Variants in MCF2 observed in about 807,000 individuals in gnomAD.
MCF2 encodes the protein proto-oncogene DBL.
Under a neutral mutation model 82.5 loss-of-function variants are expected in MCF2, and 44 were observed. The observed-to-expected ratio is 0.53, with a 90% CI of 0.42 to 0.69. The LOEUF (loss-of-function observed/expected upper bound fraction) is 0.69, where lower values mean the gene tolerates loss of function less well. Ranked by LOEUF, MCF2 falls within the 30% of genes least tolerant of loss-of-function variation. MCF2 has a pLI of 0.00. For missense variants in MCF2, 623 were observed against 663.1 expected (o/e 0.94, Z 0.66); for synonymous variants, 217 against 224.9 (o/e 0.96, Z 0.32).
At chrX:139,690,338 G>GTTT (rs145515088) in intron 1 of MCF2, among the ~76,000 whole-genome samples, 2,919 of 75,630 alleles carry the variant, frequency 0.039, 165 homozygotes, top group East Asian at 0.16. Flanking sequence ...CTCCAAAGGA[G>GTTT]TTTTTTTTTT....
At chrX:139,675,795 A>C (rs994680881) in intron 1 of MCF2, among the ~76,000 whole-genome samples, 44 of 112,413 alleles carry the variant, frequency 3.9e-4, no homozygotes, top group African/African-American at 1.3e-3. Flanking sequence ...CCACTTGAGG[A>C]GGCAGTCCGT....
chrX:139,701,714 G>C (rs891888025), intron 1 of MCF2, among the ~76,000 whole-genome samples: 1 of 112,075 alleles, frequency 8.9e-6, no homozygotes, highest in Non-Finnish European at 1.9e-5. Flanking sequence ...AGATTATACA[G>C]GCATGTATAT....
exon 25 of MCF2, chrX:139,582,434 A>T: frequency 8.3e-7 from 1 of 1,203,883 alleles, no homozygotes; most frequent in Non-Finnish European, 1.1e-6. Flanking sequence ...AGAAGCAGGC[A>T]GGAAAGAGCT....
intron 10 of MCF2, 45 bp from the exon 15 acceptor site, chrX:139,610,383 T>A (rs770320470): frequency 1.1e-6 from 1 of 876,533 alleles, no homozygotes; most frequent in Non-Finnish European, 1.6e-6. Flanking sequence ...AGAATTAAAG[T>A]CAGCACTTTT....
intron 19 of MCF2, among the ~76,000 whole-genome samples, chrX:139,594,377 G>C (rs1191672289): frequency 9.0e-6 from 1 of 111,401 alleles, no homozygotes; most frequent in African/African-American, 3.3e-5. Context: ...CCAAAACAGA[G>C]ATATAGATCA....
chrX:139,654,017 A>G (rs1256357136), intron 1 of MCF2, among the ~76,000 whole-genome samples: 1 of 111,694 alleles, frequency 9.0e-6, no homozygotes, highest in Non-Finnish European at 1.9e-5. Flanking sequence ...GTGTATATAT[A>G]CCATATTTTC....
At chrX:139,631,341 TA>T in intron 3 of MCF2, 53 bp downstream of exon 6, 2 of 692,364 alleles carry the variant, frequency 2.9e-6, no homozygotes, top group Non-Finnish European at 4.3e-6. Flanking sequence ...GAACTAGATT[TA>T]AAGGCTAACA....
Position 139,651,709 on chromosome X carries a change from A to G in MCF2, c.25+11T>C, listed in dbSNP as rs775727304. 2.0e-5 allele frequency: 22 copies of G among 1,114,672 alleles called. No homozygotes were observed. The highest frequency in any genetic ancestry group is 6.1e-6 in the Non-Finnish European group (5 of 826,395). 91.9% of individuals were successfully genotyped at this position (1,114,672 alleles called of 1,213,427 possible). A position where few individuals can be genotyped will look rare whatever the true frequency, so the allele number is the denominator to read the frequency against. ...TATCTATCTGGACTATATATAAGAA[A>G]GTTTGCTTACCAGACAAGAAGGCGA... On this transcript the variant is annotated intron_variant, in intron 2 of 27. Transcript: ENST00000414978.
At chrX:139,587,192 T>A (rs1439911889) in intron 22 of MCF2, among the ~76,000 whole-genome samples, 1 of 111,334 alleles carries the variant, frequency 9.0e-6, no homozygotes, top group Non-Finnish European at 1.9e-5. Context: ...GAACTCCACC[T>A]TTTGGAATTT....
exon 14 of MCF2, chrX:139,604,900 T>C: frequency 8.4e-7 from 1 of 1,195,127 alleles, no homozygotes; most frequent in Non-Finnish European, 1.1e-6. Flanking sequence ...TCTGCCATGT[T>C]TCCAAAGAGA....
chrX:139,606,016 C>CAT (rs71534302), intron 12 of MCF2, among the ~76,000 whole-genome samples: 13,236 of 96,573 alleles, frequency 0.14, 1,969 homozygotes, highest in African/African-American at 0.41. Context: ...ATATATATAA[C>CAT]ATATATATAT....
chrX:139,597,608 A>G, intron 17 of MCF2, 23 bp from the exon 22 acceptor site: 1 of 1,103,000 alleles, frequency 9.1e-7, no homozygotes, highest in Non-Finnish European at 1.2e-6. Context: ...ATCAGGAATT[A>G]ATATTAGGCA....
intron 1 of MCF2, among the ~76,000 whole-genome samples, chrX:139,705,458 T>C (rs757333735): frequency 1.4e-3 from 159 of 112,380 alleles, no homozygotes; most frequent in South Asian, 5.9e-3. Flanking sequence ...AAACAAGCAG[T>C]GGGAAAACAA....
chrX:139,639,901 G>C (rs1376199050), intron 1 of MCF2, among the ~76,000 whole-genome samples: 1 of 111,415 alleles, frequency 9.0e-6, no homozygotes, highest in African/African-American at 3.3e-5. Flanking sequence ...CAATAAGAGA[G>C]ACCCTTGACT....
intron 1 of MCF2, among the ~76,000 whole-genome samples, chrX:139,697,931 G>A (rs1935415250): frequency 8.9e-6 from 1 of 111,901 alleles, no homozygotes; most frequent in Non-Finnish European, 1.9e-5. Flanking sequence ...CTTGAGCCCA[G>A]AAGTTCAAGA....
intron 13 of MCF2, 143 bp downstream of exon 17, chrX:139,605,570 A>G (rs1930928344): frequency 2.2e-6 from 1 of 455,818 alleles, no homozygotes; most frequent in Non-Finnish European, 3.8e-6. Context: ...TGCTGCATCA[A>G]ACAATAAAAG....
chrX:139,704,358 C>CCTT (rs1336671310), intron 1 of MCF2, among the ~76,000 whole-genome samples: 1 of 112,302 alleles, frequency 8.9e-6, no homozygotes, highest in African/African-American at 3.2e-5. Flanking sequence ...AAGATGCTGC[C>CCTT]AAAAGGCTCC....
intron 1 of MCF2, among the ~76,000 whole-genome samples, chrX:139,680,775 T>C (rs1229079203): frequency 8.9e-6 from 1 of 112,464 alleles, no homozygotes; most frequent in African/African-American, 3.2e-5. Flanking sequence ...GATCTCCTAC[T>C]CTGTAGCTAT....
intron 1 of MCF2, among the ~76,000 whole-genome samples, chrX:139,688,340 C>T (rs1935178596): frequency 1.8e-5 from 2 of 111,639 alleles, no homozygotes; most frequent in Non-Finnish European, 3.8e-5. Context: ...AAAAGCTTCT[C>T]ATCCAAAATG....
Sources: gnomAD v4.1 joint callset for allele counts (sites outside exome capture counted in the v4.1 genomes callset) on GRCh38, gnomAD v4.1.1 for gene constraint, MANE v1.5 for transcripts, NCBI Gene and HGNC (gene_info 2026-07-23, HGNC 2026-07-21) for gene names.